Variants in WDR20 observed in about 807,000 individuals in gnomAD.
WDR20 encodes the protein WD repeat-containing protein 20.
A neutral mutation model predicts 38.7 loss-of-function variants in WDR20; 3 were observed. That is an observed-to-expected ratio of 0.08 (90% CI 0.04 to 0.20). The LOEUF (loss-of-function observed/expected upper bound fraction) is 0.20. Ranked by LOEUF, WDR20 falls within the 10% of genes least tolerant of loss-of-function variation. WDR20 has a pLI of 1.00. For synonymous variants in WDR20, 298 were observed against 285.6 expected (o/e 1.04, Z -0.44); for missense variants, 559 against 727.7 (o/e 0.77, Z 2.67).
At chr14:102,171,663 T>C (rs994910315) in intron 1 of WDR20, among the ~76,000 whole-genome samples, 10 of 151,866 alleles carry the variant, frequency 6.6e-5, no homozygotes, top group African/African-American at 9.7e-5. Flanking sequence ...GTTTAAGACA[T>C]AGTTGCCTGT....
chr14:102,161,136 ATATATATTTTTTTT>A (rs1245711499), intron 1 of WDR20, among the ~76,000 whole-genome samples: 1 of 9,856 alleles, frequency 1.0e-4, no homozygotes, highest in African/African-American at 3.8e-4. Flanking sequence ...ATATATATAT[ATATATATTTTTTTT>A]TTTTTTTTTT....
At chr14:102,193,124 GTTTTTTTTTTGTT>G (rs1270163805) in intron 1 of WDR20, among the ~76,000 whole-genome samples, 1 of 145,726 alleles carries the variant, frequency 6.9e-6, no homozygotes, top group Admixed American at 6.8e-5. Flanking sequence ...ATATTTGTAG[GTTTTTTTTTTGTT>G]TTTTTTTTTG....
At chr14:102,165,845 G>T (rs2059666356) in intron 1 of WDR20, among the ~76,000 whole-genome samples, 1 of 151,592 alleles carries the variant, frequency 6.6e-6, no homozygotes, top group Non-Finnish European at 1.5e-5. Flanking sequence ...TCATCATATT[G>T]CCCAGGCTGG....
At chr14:102,163,805 T>C (rs1008003759) in intron 1 of WDR20, among the ~76,000 whole-genome samples, 1 of 152,084 alleles carries the variant, frequency 6.6e-6, no homozygotes, top group Admixed American at 6.5e-5. Flanking sequence ...GAAGTTTTGC[T>C]TTCCCTATCC....
At chr14:102,210,944 CTT>C (rs2062438802), downstream of WDR20, among the ~76,000 whole-genome samples, 1 of 152,194 alleles carries the variant, frequency 6.6e-6, no homozygotes, top group Non-Finnish European at 1.5e-5. Flanking sequence ...CGGGATTACT[CTT>C]GGGATGCTGA....
downstream of WDR20, chr14:102,213,475 A>T: frequency 1.0e-6 from 1 of 985,476 alleles, no homozygotes; most frequent in Non-Finnish European, 1.2e-6. Context: ...TAAATGCCTT[A>T]AAAATGGAGG....
chr14:102,203,082 C>T (rs965950747), intron 2 of WDR20, among the ~76,000 whole-genome samples: 2 of 152,144 alleles, frequency 1.3e-5, no homozygotes, highest in Non-Finnish European at 2.9e-5. Flanking sequence ...CTAACTGGTT[C>T]CTCATCACCC....
chr14:102,188,029 A>G (rs61992529), intron 1 of WDR20, among the ~76,000 whole-genome samples: 1,742 of 152,278 alleles, frequency 0.011, 27 homozygotes, highest in Non-Finnish European at 0.019. Context: ...GGTGATTCTC[A>G]GGTGGGGATG....
rs564223467 is a variant in WDR20 at position 102,159,692 on chromosome 14, G to A, written c.249+19520G>A. On this transcript the variant is annotated intron_variant, in intron 1 of 2. Coordinates refer to ENST00000342702, the MANE Select transcript of WDR20 (RefSeq NM_144574.4). The stretch of plus-strand genomic sequence containing the variant: ...TAAAATTTTTTGAAAAGATCAACGA[G>A]GAGTGGTGACCTGTGCCTGTAGTCC... 1.3e-4 allele frequency among the ~76,000 whole-genome samples: 20 copies of A among 152,160 alleles called. No homozygotes were observed. In the East Asian group the frequency reaches 3.9e-3, roughly 29 times the overall value.
In WDR20 at chr14:102,210,193, A is replaced by C. The variant is rs1022498485; in HGVS notation, c.*313A>C. ...TAGGAAAATCATGACCATGTGGGGA[A>C]ACAATGACTTTAAAATGCTGAAATT... On this transcript the variant is annotated 3_prime_UTR_variant, in exon 3 of 3. Transcript: ENST00000342702. The C allele has an allele frequency of 6.6e-6, 7 of 1,063,674 alleles. No individual in the cohort carries two copies. Among genetic ancestry groups the C allele is most frequent in the East Asian group, 7.0e-5 (1 of 14,216 alleles). 65.9% of individuals were successfully genotyped at this position (1,063,674 alleles called of 1,614,324 possible).
chr14:102,201,869 C>T (rs899031745), intron 2 of WDR20, among the ~76,000 whole-genome samples: 2 of 152,206 alleles, frequency 1.3e-5, no homozygotes, highest in Non-Finnish European at 2.9e-5. Flanking sequence ...TGTTACTTCC[C>T]CTGCCTTCCC....
At chr14:102,175,745 CT>C (rs1286809111) in intron 1 of WDR20, among the ~76,000 whole-genome samples, 1 of 152,050 alleles carries the variant, frequency 6.6e-6, no homozygotes, top group Non-Finnish European at 1.5e-5. Flanking sequence ...TGTAGTTTTC[CT>C]TGTAGAGGTC....
intron 1 of WDR20, among the ~76,000 whole-genome samples, chr14:102,174,488 C>T (rs1379877542): frequency 6.6e-6 from 1 of 152,142 alleles, no homozygotes; most frequent in African/African-American, 2.4e-5. Flanking sequence ...GGCACAATCT[C>T]GGCTCACTGC....
chr14:102,144,382 C>T (rs1213747141), intron 1 of WDR20, among the ~76,000 whole-genome samples: 2 of 150,986 alleles, frequency 1.3e-5, no homozygotes, highest in Non-Finnish European at 2.9e-5. Flanking sequence ...CTCGGGAGGC[C>T]GAGGCAGGAG....
chr14:102,139,430 G>A, upstream of WDR20: 1 of 1,519,800 alleles, frequency 6.6e-7, no homozygotes, highest in Non-Finnish European at 8.8e-7. Context: ...GGTACCCCGC[G>A]TGCTGGCTCC....
chr14:102,219,079 A>G (rs2063577133), downstream of WDR20, among the ~76,000 whole-genome samples: 1 of 152,222 alleles, frequency 6.6e-6, no homozygotes, highest in South Asian at 2.1e-4. Flanking sequence ...CCATTTGGGC[A>G]GTGGATCCCC....
Position 102,209,699 on chromosome 14 carries a change from G to C in WDR20, c.1529G>C (p.Gly510Ala), listed in dbSNP as rs2062182646. The change falls in exon 3 of 3, where the codon GGA (glycine) becomes GCA (alanine). Residue 510 changes from glycine to alanine, a missense_variant. Gly to Ala is a moderately conservative substitution (Grantham distance 60). Coordinates refer to ENST00000342702, the MANE Select transcript of WDR20 (RefSeq NM_144574.4). This position sits in a 1 kb window ranked among gnomAD's most constrained non-coding sequence, Gnocchi z 6.0. ...AAAACGGACCCTGCTAAAACTCTGG[G>C]AACGCCCCTGTGTCCTCGAATGGAA... The part of the protein sequence containing the change: ...KTKTDPAKTL[G>A]TPLCPRMEDV... 6.2e-7 allele frequency: 1 copy of C among 1,614,124 alleles called. No homozygotes were observed. Among genetic ancestry groups the C allele is most frequent in the Non-Finnish European group, 8.5e-7 (1 of 1,180,038 alleles).
intron 2 of WDR20, among the ~76,000 whole-genome samples, chr14:102,204,195 G>T (rs139764863): frequency 0.015 from 2,348 of 152,208 alleles, 48 homozygotes; most frequent in South Asian, 0.096. Context: ...TGTTCCCCTG[G>T]CACTGGTTCG....
intron 2 of WDR20, among the ~76,000 whole-genome samples, chr14:102,200,252 G>A (rs11160672): frequency 0.35 from 53,220 of 152,126 alleles, 13,159 homozygotes; most frequent in African/African-American, 0.71. Context: ...TTGGGTTTCT[G>A]TTTGTAGCGT....
Sources: allele counts gnomAD v4.1 joint callset (sites outside exome capture counted in the v4.1 genomes callset), GRCh38; gene constraint gnomAD v4.1.1; non-coding constraint Gnocchi (gnomAD v3.1); transcripts MANE v1.5; gene names NCBI Gene and HGNC (gene_info 2026-07-23, HGNC 2026-07-21).